The following TENM4 variants were observed in gnomAD, a reference collection of about 807,000 sequenced individuals.
TENM4 encodes teneurin transmembrane protein 4, also known as teneurin-4.
TENM4 carries 82 observed loss-of-function variants against 243.3 expected under a neutral mutation model. The observed-to-expected ratio is 0.34, with a 90% CI of 0.28 to 0.40. The LOEUF (loss-of-function observed/expected upper bound fraction) is 0.40, where lower values mean the gene tolerates loss of function less well. Among genes scored for constraint, TENM4 ranks in the 10% least tolerant of loss-of-function variants. The pLI is 1.00. For synonymous variants in TENM4, 1,412 were observed against 1,456.3 expected (o/e 0.97, Z 0.69); for missense variants, 3,138 against 3,673.3 (o/e 0.85, Z 3.77).
intron 7 of TENM4, among the ~76,000 whole-genome samples, chr11:78,899,126 T>A (rs946245393): frequency 6.6e-6 from 1 of 152,078 alleles, no homozygotes; most frequent in Non-Finnish European, 1.5e-5. Context: ...AATGACACTA[T>A]AGCATTTTCA....
At chr11:78,920,886 G>A (rs1286358215) in intron 6 of TENM4, among the ~76,000 whole-genome samples, 2 of 152,090 alleles carry the variant, frequency 1.3e-5, no homozygotes, top group African/African-American at 2.4e-5. Flanking sequence ...TTTTTGTGGC[G>A]GCCAGTCTTT....
intron 1 of TENM4, among the ~76,000 whole-genome samples, 162 bp from the exon 2 acceptor site, chr11:79,297,705 C>A (rs1434057210): frequency 2.6e-5 from 4 of 152,112 alleles, no homozygotes; most frequent in African/African-American, 9.7e-5. Context: ...AAATGAAGTG[C>A]AATAATAAAT....
chr11:79,131,087 A>G (rs891031324), intron 4 of TENM4, among the ~76,000 whole-genome samples: 2 of 152,152 alleles, frequency 1.3e-5, no homozygotes, highest in African/African-American at 2.4e-5. Flanking sequence ...AAAGAAAACT[A>G]AAAGCTTGGA....
intron 1 of TENM4, among the ~76,000 whole-genome samples, chr11:79,346,237 G>C: frequency 6.6e-6 from 1 of 152,238 alleles, no homozygotes; most frequent in Middle Eastern, 3.4e-3. Flanking sequence ...GTTGATTCAG[G>C]TGCTAAGAGT....
intron 2 of TENM4, among the ~76,000 whole-genome samples, chr11:79,255,260 T>G (rs764039004): frequency 1.2e-4 from 18 of 152,228 alleles, no homozygotes; most frequent in Non-Finnish European, 2.4e-4. Flanking sequence ...CTTTACACTC[T>G]GCACCCAGCA....
At chr11:79,413,299 C>T (rs921859338) in intron 1 of TENM4, among the ~76,000 whole-genome samples, 1 of 152,216 alleles carries the variant, frequency 6.6e-6, no homozygotes, top group Non-Finnish European at 1.5e-5. Context: ...CTCCAGGCTG[C>T]GCACCACTCC....
chr11:78,909,114 C>T (rs569035795), intron 6 of TENM4, among the ~76,000 whole-genome samples: 28 of 152,208 alleles, frequency 1.8e-4, no homozygotes, highest in Non-Finnish European at 4.0e-4. Flanking sequence ...TATGGACTAC[C>T]GTAGGTTGAA....
chr11:78,785,841 T>C (rs995673182), intron 16 of TENM4, among the ~76,000 whole-genome samples: 6 of 152,156 alleles, frequency 3.9e-5, no homozygotes, highest in Non-Finnish European at 5.9e-5. Context: ...AAAATTCCTT[T>C]GTCTCTCCAA....
intron 6 of TENM4, among the ~76,000 whole-genome samples, chr11:79,048,740 A>G (rs1859723184): frequency 6.6e-6 from 1 of 152,074 alleles, no homozygotes; most frequent in Non-Finnish European, 1.5e-5. Context: ...ATACCAGGTA[A>G]AGCTTTCTCC....
chr11:78,949,240 G>A (rs547112026), intron 6 of TENM4, among the ~76,000 whole-genome samples: 19 of 152,292 alleles, frequency 1.2e-4, no homozygotes, highest in South Asian at 6.2e-4. Context: ...TCATATTTGC[G>A]TTTTGAACCC....
At chr11:78,668,157 G>A (rs1226905537) in intron 32 of TENM4, among the ~76,000 whole-genome samples, 1 of 152,278 alleles carries the variant, frequency 6.6e-6, no homozygotes, top group East Asian at 1.9e-4. Context: ...CTACCAGGTA[G>A]GTGTTAGTTT....
chr11:79,157,762 C>T (rs942598045), intron 3 of TENM4, among the ~76,000 whole-genome samples: 23 of 152,218 alleles, frequency 1.5e-4, no homozygotes, highest in African/African-American at 5.3e-4. Flanking sequence ...TTGCTTTCTA[C>T]CATAATCCTA....
chr11:79,137,862 T>C (rs1862140983), intron 4 of TENM4, among the ~76,000 whole-genome samples: 4 of 152,086 alleles, frequency 2.6e-5, no homozygotes, highest in Admixed American at 2.0e-4. Flanking sequence ...ATTGTCTTTA[T>C]TTGAAGATTA....
chr11:78,936,630 C>T (rs1407583293), intron 6 of TENM4, among the ~76,000 whole-genome samples: 1 of 152,142 alleles, frequency 6.6e-6, no homozygotes, highest in African/African-American at 2.4e-5. Flanking sequence ...ACTGCTCTTC[C>T]CATACTGAGG....
At chr11:78,910,249 C>G (rs892294241) in intron 6 of TENM4, among the ~76,000 whole-genome samples, 1 of 152,172 alleles carries the variant, frequency 6.6e-6, no homozygotes, top group African/African-American at 2.4e-5. Flanking sequence ...AATGATGACC[C>G]AAGCATACAC....
At chr11:78,904,120 G>A (rs574193880) in intron 6 of TENM4, among the ~76,000 whole-genome samples, 1 of 151,992 alleles carries the variant, frequency 6.6e-6, no homozygotes, top group Non-Finnish European at 1.5e-5. Flanking sequence ...CAGCACTTTG[G>A]GAGGCCGAGG....
At chr11:79,021,227 G>C (rs1477957075) in intron 6 of TENM4, among the ~76,000 whole-genome samples, 1 of 152,194 alleles carries the variant, frequency 6.6e-6, no homozygotes, top group East Asian at 1.9e-4. Context: ...AAGAATATAA[G>C]CATCTGAAAG....
At chr11:78,959,964 C>T (rs1857283012) in intron 6 of TENM4, among the ~76,000 whole-genome samples, 1 of 152,036 alleles carries the variant, frequency 6.6e-6, no homozygotes, top group Non-Finnish European at 1.5e-5. Flanking sequence ...TATATTTCCC[C>T]CCTACCCCAT....
At chr11:79,013,124 T>A (rs1222762076) in intron 6 of TENM4, among the ~76,000 whole-genome samples, 2 of 152,214 alleles carry the variant, frequency 1.3e-5, no homozygotes, top group African/African-American at 4.8e-5. Context: ...GCTGATATTA[T>A]GGTGCCTCTT....
Sources: allele counts gnomAD v4.1 joint callset (sites outside exome capture counted in the v4.1 genomes callset), GRCh38; gene constraint gnomAD v4.1.1; transcripts MANE v1.5; gene names NCBI Gene and HGNC (gene_info 2026-07-23, HGNC 2026-07-21).